PALM2AKAP2: variants seen among roughly 807,000 people sequenced by gnomAD.
The protein encoded by PALM2AKAP2 is PALM2-AKAP2 fusion protein.
In PALM2AKAP2, 37 loss-of-function variants were observed where a neutral mutation model predicts 71.5. The observed-to-expected ratio is 0.52, with a 90% CI of 0.40 to 0.68. The LOEUF is 0.68. PALM2AKAP2 is among the 30% of genes least tolerant of loss of function. The probability of loss-of-function intolerance (pLI) is 0.00; values close to 1 mark genes in which losing one functional copy is unlikely to be tolerated. For missense variants in PALM2AKAP2, 1,224 were observed against 1,191.8 expected (o/e 1.03, Z -0.40); for synonymous variants, 468 against 478.8 (o/e 0.98, Z 0.29).
Position 109,683,604 on chromosome 9 carries a change from G to A in PALM2AKAP2, c.5+42738G>A, listed in dbSNP as rs372072394. On this transcript the variant is annotated intron_variant, in intron 1 of 6. Coordinates refer to the PALM2AKAP2 transcript ENST00000374531. ...TTTGCTGTTTTAAGTCATCCAGTGT[G>A]TGGTGATTAGTTACAGCAGCCCTAG... Among the ~76,000 whole-genome samples the A allele has an allele frequency of 1.5e-3, 223 of 152,312 alleles. 1 individual carries two copies. Among genetic ancestry groups the A allele is most frequent in the African/African-American group, 4.9e-3 (204 of 41,568 alleles).
At chr9:109,732,914 G>C (rs1263617319) in intron 1 of PALM2AKAP2, among the ~76,000 whole-genome samples, 1 of 152,122 alleles carries the variant, frequency 6.6e-6, no homozygotes. Flanking sequence ...AGTGGGCATG[G>C]GGTGGGTATG....
chr9:109,777,697 C>T (rs1407531770), upstream of PALM2AKAP2, among the ~76,000 whole-genome samples: 2 of 152,234 alleles, frequency 1.3e-5, no homozygotes, highest in Admixed American at 1.3e-4. Flanking sequence ...ATGGTCTCTT[C>T]TTCATCTGCA....
intron 1 of PALM2AKAP2, among the ~76,000 whole-genome samples, chr9:110,066,667 C>G (rs529543094): frequency 4.0e-5 from 6 of 150,870 alleles, no homozygotes; most frequent in African/African-American, 1.5e-4. Context: ...ACACTGCACT[C>G]TAGCCTGGGG....
intron 1 of PALM2AKAP2, among the ~76,000 whole-genome samples, chr9:110,049,471 C>T (rs934917680): frequency 1.1e-4 from 17 of 152,296 alleles, no homozygotes; most frequent in African/African-American, 4.1e-4. Flanking sequence ...AGCCAGCAGC[C>T]TCTTCTGCCC....
chr9:110,156,305 T>C lies in PALM2AKAP2; in HGVS notation c.2570-14T>C, dbSNP rs755510896. On this transcript the variant is annotated splice_polypyrimidine_tract_variant and intron_variant, in intron 2 of 3. Transcript: ENST00000374525. ...GACAAGCTTAGAAAGGGTATTTTCT[T>C]CGTGTTGTTTCAGGGAAAATAGAGA... 116 of 1,553,800 alleles carry C rather than the reference T, an allele frequency of 7.5e-5. No individual in the cohort carries two copies. Among genetic ancestry groups the C allele is most frequent in the Non-Finnish European group, 9.8e-5 (113 of 1,150,754 alleles).
chr9:109,906,380 G>T (rs974034130), intron 3 of PALM2AKAP2, among the ~76,000 whole-genome samples: 43 of 152,132 alleles, frequency 2.8e-4, no homozygotes, highest in Admixed American at 2.8e-3. Flanking sequence ...TGTATTTTCC[G>T]TAGAGACGGG....
At chr9:110,033,010 G>A (rs573578770) in intron 7 of PALM2AKAP2, among the ~76,000 whole-genome samples, 1 of 152,120 alleles carries the variant, frequency 6.6e-6, no homozygotes, top group Admixed American at 6.5e-5. Flanking sequence ...CAAATTTTTG[G>A]TCTGACTTTT....
intron 3 of PALM2AKAP2, among the ~76,000 whole-genome samples, chr9:109,913,216 G>A (rs573080508): frequency 6.6e-6 from 1 of 152,326 alleles, no homozygotes; most frequent in East Asian, 1.9e-4. Context: ...AAGGTCATGG[G>A]TGAGCTCTAT....
intron 6 of PALM2AKAP2, among the ~76,000 whole-genome samples, chr9:110,001,074 A>G (rs1832673525): frequency 1.3e-5 from 2 of 152,234 alleles, no homozygotes; most frequent in South Asian, 4.1e-4. Context: ...TGTTTTAGAC[A>G]TGAAATCCTT....
chr9:109,999,498 A>G (rs1832640387), intron 6 of PALM2AKAP2, among the ~76,000 whole-genome samples: 1 of 152,078 alleles, frequency 6.6e-6, no homozygotes, highest in African/African-American at 2.4e-5. Context: ...GCCTGGGACC[A>G]TCTGTTCCCA....
chr9:109,812,358 G>A (rs1827747353), intron 1 of PALM2AKAP2, among the ~76,000 whole-genome samples: 1 of 152,162 alleles, frequency 6.6e-6, no homozygotes, highest in African/African-American at 2.4e-5. Flanking sequence ...TGGAGAGGCA[G>A]CAGAAGTAGC....
At chr9:109,727,740 A>G (rs1396587032) in intron 1 of PALM2AKAP2, among the ~76,000 whole-genome samples, 3 of 152,012 alleles carry the variant, frequency 2.0e-5, no homozygotes, top group Non-Finnish European at 4.4e-5. Context: ...ACCGTAGTTA[A>G]TGTTTAAATG....
At chr9:110,108,857 G>A (rs1166140843) in intron 1 of PALM2AKAP2, among the ~76,000 whole-genome samples, 3 of 152,076 alleles carry the variant, frequency 2.0e-5, no homozygotes, top group African/African-American at 7.2e-5. Context: ...TTTTTTTTTG[G>A]TAGGGGGAAG....
intron 1 of PALM2AKAP2, among the ~76,000 whole-genome samples, chr9:109,841,759 A>G (rs1587951306): frequency 1.9e-4 from 1 of 5,312 alleles, no homozygotes; most frequent in Non-Finnish European, 3.3e-4. Flanking sequence ...GATGGAGGAG[A>G]GGGTGGAGAG....
intron 6 of PALM2AKAP2, among the ~76,000 whole-genome samples, chr9:109,999,108 G>A (rs933724426): frequency 1.3e-5 from 2 of 152,078 alleles, no homozygotes; most frequent in African/African-American, 2.4e-5. Flanking sequence ...GGAGGCTGAG[G>A]TGGGTGCATC....
In PALM2AKAP2 at chr9:110,101,525, G is replaced by T. The variant is rs115098697; in HGVS notation, c.157-34602G>T. On this transcript the variant is annotated intron_variant, in intron 1 of 3. Coordinates refer to ENST00000374525, the Ensembl canonical transcript of PALM2AKAP2. The stretch of plus-strand genomic sequence containing the variant: ...AGGTAGTCACACGCTTTCAGGGGCT[G>T]AAAGACAAGTAGAGGTTAGGGAAAT... 7.3e-3 allele frequency among the ~76,000 whole-genome samples: 1,117 copies of T among 152,208 alleles called. 11 individuals are homozygous for T. Among genetic ancestry groups the T allele is most frequent in the African/African-American group, 0.025 (1,051 of 41,528 alleles).
rs1045023365 is a variant in PALM2AKAP2 at position 109,943,600 on chromosome 9, G to A, written c.496+11572G>A. The A allele has an allele frequency of 1.1e-5, 9 of 791,014 alleles. No homozygotes were observed. In the African/African-American group the frequency reaches 1.4e-4, roughly 12 times the overall value. 49.0% of individuals were successfully genotyped at this position (791,014 alleles called of 1,614,324 possible). On this transcript the variant is annotated intron_variant, in intron 6 of 9. Coordinates refer to the PALM2AKAP2 transcript ENST00000302798. ...TCCTTTTCCTCACCTGAGAGACAAC[G>A]TGCATGTGTGTGCTTCATTCTCTCC...
intron 7 of PALM2AKAP2, among the ~76,000 whole-genome samples, chr9:110,036,350 C>T (rs866677629): frequency 1.3e-5 from 2 of 152,202 alleles, no homozygotes; most frequent in South Asian, 2.1e-4. Context: ...TTTGGGCATG[C>T]ATCTGATAAT....
intron 1 of PALM2AKAP2, among the ~76,000 whole-genome samples, chr9:110,112,989 C>G (rs150766946): frequency 6.6e-6 from 1 of 152,238 alleles, no homozygotes; most frequent in African/African-American, 2.4e-5. Flanking sequence ...TGAGGACTCT[C>G]GGGCTCTTTG....
Sources: gnomAD v4.1 joint callset for allele counts (sites outside exome capture counted in the v4.1 genomes callset) on GRCh38, gnomAD v4.1.1 for gene constraint, MANE v1.5 for transcripts, NCBI Gene and HGNC (gene_info 2026-07-23, HGNC 2026-07-21) for gene names.